PIAS2: variants seen among roughly 807,000 people sequenced by gnomAD.
PIAS2 encodes the protein E3 SUMO-protein ligase PIAS2.
Under a neutral mutation model 69.7 loss-of-function variants are expected in PIAS2, and 19 were observed. That is an observed-to-expected ratio of 0.27 (90% CI 0.19 to 0.40). PIAS2 has a LOEUF of 0.40. Among genes scored for constraint, PIAS2 ranks in the 10% least tolerant of loss-of-function variants. PIAS2 has a pLI of 1.00. For missense variants in PIAS2, 624 were observed against 757.0 expected, an observed-to-expected ratio of 0.82 and a Z score of 2.06; for synonymous variants, 261 against 263.2, an observed-to-expected ratio of 0.99 and a Z score of 0.08.
intron 12 of PIAS2, chr18:46,818,559 T>A: frequency 1.1e-6 from 1 of 925,158 alleles, no homozygotes; most frequent in Non-Finnish European, 1.4e-6. Flanking sequence ...TTATTATAAA[T>A]TATTAAGTTT....
At chr18:46,917,649 C>T, upstream of PIAS2, 1 of 774,504 alleles carries the variant, frequency 1.3e-6, no homozygotes, top group Non-Finnish European at 1.6e-6. Context: ...GGCGTGCTGC[C>T]CCGCGGCTTG....
Position 46,846,710 on chromosome 18 carries a change from C to T in PIAS2, c.858G>A (p.Gly286=). ...QISISWASEI[G]KNYSMSVYLV... is the part of the protein sequence containing the mutation. ...ACCCAAAACGGAGAGCTTTTACCTTCCCAATTTCTGATGCCCAAGAAATGG... is the reference window on the plus strand; with the variant it reads ...ACCCAAAACGGAGAGCTTTTACCTTTCCAATTTCTGATGCCCAAGAAATGG... Residue 286 remains glycine, a synonymous_variant, in exon 6 of 14, where the codon GGG becomes GGA. Coordinates refer to ENST00000585916, the MANE Select transcript of PIAS2 (RefSeq NM_004671.5). The T allele has an allele frequency of 1.2e-6, 2 of 1,611,718 alleles. No homozygotes were observed. Among genetic ancestry groups the T allele is most frequent in the East Asian group, 4.5e-5 (2 of 44,808 alleles).
At chr18:46,901,236 G>A in intron 1 of PIAS2, 1 of 406,620 alleles carries the variant, frequency 2.5e-6, no homozygotes, top group Non-Finnish European at 4.9e-6. Flanking sequence ...TGACCAACAT[G>A]GAGAACCCCA....
At chr18:46,840,971 C>CTT (rs200294833) in intron 8 of PIAS2, among the ~76,000 whole-genome samples, 1 of 139,472 alleles carries the variant, frequency 7.2e-6, no homozygotes, top group East Asian at 2.1e-4. Flanking sequence ...TTCAGCAGGA[C>CTT]TTTTTTTTTT....
At chr18:46,905,110 A>G (rs2056427101) in intron 1 of PIAS2, among the ~76,000 whole-genome samples, 1 of 152,194 alleles carries the variant, frequency 6.6e-6, no homozygotes. Context: ...AAAATTATTA[A>G]AATGGACCAC....
intron 2 of PIAS2, among the ~76,000 whole-genome samples, chr18:46,869,722 T>C (rs1397899293): frequency 2.0e-5 from 3 of 152,272 alleles, no homozygotes; most frequent in Non-Finnish European, 4.4e-5. Flanking sequence ...GACAAAATAT[T>C]GTTGTTTCAT....
chr18:46,916,768 T>C, intron 1 of PIAS2: 1 of 951,008 alleles, frequency 1.1e-6, no homozygotes, highest in Non-Finnish European at 1.3e-6. Context: ...CCCCAAACAT[T>C]AGGTTCCTCG....
At chr18:46,884,247 T>C (rs2052761931) in intron 2 of PIAS2, among the ~76,000 whole-genome samples, 1 of 152,158 alleles carries the variant, frequency 6.6e-6, no homozygotes, top group African/African-American at 2.4e-5. Context: ...TATTCCTTTA[T>C]ACAGATAGAA....
intron 1 of PIAS2, among the ~76,000 whole-genome samples, chr18:46,904,911 T>C (rs531152085): frequency 6.6e-6 from 1 of 152,184 alleles, no homozygotes; most frequent in African/African-American, 2.4e-5. Flanking sequence ...TAAAATATGG[T>C]TTAAAAATCG....
intron 12 of PIAS2, chr18:46,816,748 A>G: frequency 2.1e-6 from 2 of 969,312 alleles, no homozygotes; most frequent in Non-Finnish European, 2.5e-6. Flanking sequence ...GATTACAGAC[A>G]TAAGCCACCG....
chr18:46,818,461 A>G, intron 12 of PIAS2: 16 of 1,563,340 alleles, frequency 1.0e-5, no homozygotes, highest in Non-Finnish European at 1.4e-5. Context: ...CAGATTCAGA[A>G]GATTCATGTT....
At chr18:46,902,713 G>A (rs2056070329) in intron 1 of PIAS2, among the ~76,000 whole-genome samples, 1 of 152,120 alleles carries the variant, frequency 6.6e-6, no homozygotes, top group South Asian at 2.1e-4. Flanking sequence ...ATATAGATGA[G>A]ATTATTCTAA....
In PIAS2 at chr18:46,804,522, T is replaced by A. The variant is rs1352459333; in HGVS notation, c.*7911A>T. The A allele has an allele frequency of 1.3e-5, 2 of 152,198 alleles. No homozygotes were observed. Among genetic ancestry groups the A allele is most frequent in the Admixed American group, 1.3e-4 (2 of 15,282 alleles). The allele number at this position is 152,198 out of a possible 1,614,324, so 9.4% of individuals were successfully genotyped here. A position where few individuals can be genotyped will look rare whatever the true frequency, so the allele number is the denominator to read the frequency against. ...TAATGATCATGAAAACTCTTCAATG[T>A]CTCATCACTGTTTTACAAGGCCCTT... On this transcript the variant is annotated 3_prime_UTR_variant, in exon 14 of 14. Coordinates refer to ENST00000585916, the MANE Select transcript of PIAS2 (RefSeq NM_004671.5).
intron 8 of PIAS2, among the ~76,000 whole-genome samples, chr18:46,842,579 T>C (rs542137645): frequency 6.6e-6 from 1 of 152,284 alleles, no homozygotes; most frequent in South Asian, 2.1e-4. Context: ...GGATACATAA[T>C]AAAAAATCGT....
chr18:46,906,327 A>G (rs1203649899), intron 1 of PIAS2: 1 of 151,996 alleles, frequency 6.6e-6, no homozygotes, highest in Non-Finnish European at 1.5e-5. Context: ...TAGCCAGCAC[A>G]TTAAGACAAG....
chr18:46,810,960 GTGAACTCAAAAA>G lies in PIAS2; in HGVS notation c.*1461_*1472del, dbSNP rs1166734850. ...CTAAACAGAAAAGTACCAAATCCTT[GTGAACTCAAAAA>G]TGATTTAGGAAGTCAAATGAAGCAA... On this transcript the variant is annotated 3_prime_UTR_variant, in exon 14 of 14. Coordinates refer to ENST00000585916, the MANE Select transcript of PIAS2 (RefSeq NM_004671.5). The G allele has an allele frequency of 6.6e-6, 1 of 152,128 alleles. No homozygotes were observed. The highest frequency in any genetic ancestry group is 6.6e-5 in the Admixed American group (1 of 15,262). The allele number at this position is 152,128 out of a possible 1,614,324, so 9.4% of individuals were successfully genotyped here.
At chr18:46,901,012 A>T (rs1456493325) in intron 1 of PIAS2, 2 of 406,194 alleles carry the variant, frequency 4.9e-6, no homozygotes, top group Admixed American at 3.4e-5. Flanking sequence ...AAGAACTAAC[A>T]ACAATTCAAT....
intron 11 of PIAS2, chr18:46,826,696 T>C (rs1486884931): frequency 1.3e-5 from 2 of 152,052 alleles, no homozygotes; most frequent in Non-Finnish European, 2.9e-5. Flanking sequence ...CAGGAAAAAA[T>C]CCACTTGAAA....
intron 12 of PIAS2, chr18:46,816,442 T>C: frequency 1.0e-6 from 1 of 985,208 alleles, no homozygotes; most frequent in Non-Finnish European, 1.2e-6. Flanking sequence ...CAACGATTTC[T>C]AAAGCCTTTT....
Sources: allele counts gnomAD v4.1 joint callset (sites outside exome capture counted in the v4.1 genomes callset), GRCh38; gene constraint gnomAD v4.1.1; transcripts MANE v1.5; gene names NCBI Gene and HGNC (gene_info 2026-07-23, HGNC 2026-07-21).